Variants in TP63 observed in about 807,000 individuals in gnomAD.
The protein encoded by TP63 is tumor protein 63.
A neutral mutation model predicts 82.8 loss-of-function variants in TP63; 17 were observed. The observed-to-expected ratio is 0.21, with a 90% CI of 0.14 to 0.31. The LOEUF (loss-of-function observed/expected upper bound fraction) is 0.31, where lower values mean the gene tolerates loss of function less well. Among genes scored for constraint, TP63 ranks in the 10% least tolerant of loss-of-function variants. The pLI is 1.00. For missense variants in TP63, 648 were observed against 895.3 expected (o/e 0.72, Z 3.52); for synonymous variants, 330 against 321.7 (o/e 1.03, Z -0.28).
chr3:189,812,165 T>C (rs1446341438), intron 4 of TP63, among the ~76,000 whole-genome samples: 1 of 152,218 alleles, frequency 6.6e-6, no homozygotes, highest in Non-Finnish European at 1.5e-5. Flanking sequence ...TTTTTAACTT[T>C]TCTGGTTTTA....
At chr3:189,626,471 A>C (rs940730588), upstream of TP63, among the ~76,000 whole-genome samples, 5 of 152,170 alleles carry the variant, frequency 3.3e-5, no homozygotes, top group Non-Finnish European at 5.9e-5. Context: ...AAAGGAATTC[A>C]GTTTCTCTGA....
intron 3 of TP63, among the ~76,000 whole-genome samples, chr3:189,770,647 T>C (rs536996291): frequency 2.0e-5 from 3 of 152,340 alleles, no homozygotes; most frequent in Non-Finnish European, 2.9e-5. Flanking sequence ...TGGGGAATTA[T>C]TGAATATTAT....
At chr3:189,872,739 T>C in intron 9 of TP63, 120 bp from the exon 10 acceptor site, 1 of 1,437,034 alleles carries the variant, frequency 7.0e-7, no homozygotes, top group Non-Finnish European at 9.6e-7. Context: ...ATGTTACAAA[T>C]AAACGTTAGC....
chr3:189,596,781 G>A, the TP63 span, among the ~76,000 whole-genome samples: 2 of 152,182 alleles, frequency 1.3e-5, no homozygotes, highest in African/African-American at 4.8e-5. Flanking sequence ...CACTGTGGAA[G>A]CTTTGTTCTT....
chr3:189,719,620 C>T (rs1437737612), intron 1 of TP63, among the ~76,000 whole-genome samples: 1 of 152,292 alleles, frequency 6.6e-6, no homozygotes, highest in East Asian at 1.9e-4. Flanking sequence ...GTCACAGCTA[C>T]TCAGCTCTGC....
chr3:189,776,491 C>G (rs1576930713), intron 3 of TP63, among the ~76,000 whole-genome samples: 1 of 152,306 alleles, frequency 6.6e-6, no homozygotes, highest in African/African-American at 2.4e-5. Flanking sequence ...CTATTAAAGG[C>G]TCACAATCCT....
chr3:189,857,161 A>T (rs1195370434), intron 4 of TP63, among the ~76,000 whole-genome samples: 1 of 152,158 alleles, frequency 6.6e-6, no homozygotes, highest in Admixed American at 6.5e-5. Context: ...TTTGAAATTG[A>T]TATATGGATA....
chr3:189,887,208 C>G (rs74333747), intron 11 of TP63, among the ~76,000 whole-genome samples: 13 of 83,954 alleles, frequency 1.5e-4, no homozygotes, highest in African/African-American at 5.3e-4. Context: ...GACTCAGTCT[C>G]AAAAAAAAAA....
At chr3:189,685,160 A>G (rs1485651637) in intron 1 of TP63, among the ~76,000 whole-genome samples, 3 of 152,198 alleles carry the variant, frequency 2.0e-5, no homozygotes, top group African/African-American at 4.8e-5. Flanking sequence ...ATCAGTGAGT[A>G]GATTACCATA....
intron 1 of TP63, among the ~76,000 whole-genome samples, chr3:189,632,524 G>A (rs1484629946): frequency 1.3e-5 from 2 of 152,102 alleles, no homozygotes; most frequent in Non-Finnish European, 2.9e-5. Flanking sequence ...ACACTAATGT[G>A]AGCTATGTAG....
At chr3:189,804,120 A>G (rs879779313) in intron 3 of TP63, among the ~76,000 whole-genome samples, 1 of 152,166 alleles carries the variant, frequency 6.6e-6, no homozygotes, top group Non-Finnish European at 1.5e-5. Context: ...GGCCGTTTTT[A>G]TGGCTGATCT....
At chr3:189,753,443 G>A (rs1721966278) in intron 3 of TP63, among the ~76,000 whole-genome samples, 1 of 151,642 alleles carries the variant, frequency 6.6e-6, no homozygotes, top group African/African-American at 2.4e-5. Context: ...GTCTACTTTA[G>A]TCTGTATTAA....
At chr3:189,631,980 C>T (rs1399585141) in intron 1 of TP63, among the ~76,000 whole-genome samples, 3 of 152,086 alleles carry the variant, frequency 2.0e-5, no homozygotes, top group African/African-American at 7.2e-5. Context: ...AAATAGATAA[C>T]TAGCCATTGT....
the TP63 span, among the ~76,000 whole-genome samples, chr3:189,597,256 A>T: frequency 6.6e-6 from 1 of 152,224 alleles, no homozygotes; most frequent in East Asian, 1.9e-4. Context: ...CTCAGTTTTC[A>T]GTTGAAACCC....
intron 1 of TP63, among the ~76,000 whole-genome samples, chr3:189,710,162 G>A (rs1718491115): frequency 6.6e-6 from 1 of 152,104 alleles, no homozygotes; most frequent in Non-Finnish European, 1.5e-5. Context: ...GAGAGAAAAG[G>A]AAAAGAGAAA....
intron 1 of TP63, among the ~76,000 whole-genome samples, chr3:189,701,773 T>G (rs914130666): frequency 2.0e-5 from 3 of 151,972 alleles, no homozygotes; most frequent in African/African-American, 7.2e-5. Context: ...TGGGATTGAT[T>G]CCTCACTGTC....
intron 1 of TP63, among the ~76,000 whole-genome samples, chr3:189,722,027 T>C (rs1241032213): frequency 6.6e-6 from 1 of 152,160 alleles, no homozygotes; most frequent in East Asian, 1.9e-4. Flanking sequence ...AAGGATGGAT[T>C]GGAGAGATCT....
intron 1 of TP63, among the ~76,000 whole-genome samples, chr3:189,676,490 C>T (rs1308151285): frequency 6.6e-6 from 1 of 151,742 alleles, no homozygotes; most frequent in Admixed American, 6.6e-5. Context: ...CAGGATCTTC[C>T]TTTTTAAGGC....
At chr3:189,612,943 T>G in the TP63 span, among the ~76,000 whole-genome samples, 1 of 152,188 alleles carries the variant, frequency 6.6e-6, no homozygotes, top group Admixed American at 6.5e-5. Flanking sequence ...CAGCAAAGCA[T>G]TCAAGAGGTG....
Sources: allele counts gnomAD v4.1 joint callset (sites outside exome capture counted in the v4.1 genomes callset), GRCh38; gene constraint gnomAD v4.1.1; transcripts MANE v1.5; gene names NCBI Gene and HGNC (gene_info 2026-07-23, HGNC 2026-07-21).